The following LIPA variants were observed in gnomAD, a reference collection of about 807,000 sequenced individuals.
LIPA encodes the protein lysosomal acid lipase/cholesteryl ester hydrolase.
Under a neutral mutation model 40.6 loss-of-function variants are expected in LIPA, and 26 were observed. That is an observed-to-expected ratio of 0.64 (90% CI 0.47 to 0.89). The LOEUF is 0.89. Ranked by LOEUF, LIPA falls within the 40% of genes least tolerant of loss-of-function variation. The pLI is 0.00. For synonymous variants in LIPA, 188 were observed against 168.4 expected, an observed-to-expected ratio of 1.12 and a Z score of -0.90; for missense variants, 455 against 479.6, an observed-to-expected ratio of 0.95 and a Z score of 0.48.
chr10:89,239,479 A>G (rs1842941544), intron 3 of LIPA, among the ~76,000 whole-genome samples: 1 of 152,240 alleles, frequency 6.6e-6, no homozygotes. Context: ...GGATGCATTC[A>G]GGAGTCATGT....
chr10:89,247,515 G>C (rs776850979), intron 2 of LIPA, 23 bp downstream of exon 2: 36 of 1,417,644 alleles, frequency 2.5e-5, no homozygotes, highest in Non-Finnish European at 3.6e-5. Flanking sequence ...CATTTTAAAA[G>C]TACATAACTT....
intron 2 of LIPA, chr10:89,403,751 T>C (rs757055837): frequency 1.8e-6 from 2 of 1,108,720 alleles, no homozygotes; most frequent in Non-Finnish European, 2.6e-6. Context: ...TCATTTCATT[T>C]TATGCTAACA....
chr10:89,288,249 G>A (rs985211035), intron 1 of LIPA, among the ~76,000 whole-genome samples: 6 of 152,078 alleles, frequency 3.9e-5, no homozygotes, highest in Non-Finnish European at 8.8e-5. Flanking sequence ...CCTAGGCATG[G>A]TTAGGTATTT....
rs981552701 is a variant in LIPA, at chr10:89,274,780, G to A, written c.-1-27131C>T. 3.9e-5 allele frequency among the ~76,000 whole-genome samples: 6 copies of A among 152,132 alleles called. No homozygotes were observed. In the South Asian group the frequency reaches 1.0e-3, roughly 26 times the overall value. Reference sequence around the variant, plus strand: ...AATTTCCGTGTCTGATGGGTGGGAGGTGACCTCTGTTGAGACAGACTTTAT... The same window carrying A: ...AATTTCCGTGTCTGATGGGTGGGAGATGACCTCTGTTGAGACAGACTTTAT... On this transcript the variant is annotated intron_variant, in intron 1 of 5. Transcript: ENST00000282673.
chr10:89,352,788 TAAA>T (rs34514402), intron 2 of LIPA, among the ~76,000 whole-genome samples: 1,996 of 113,132 alleles, frequency 0.018, 30 homozygotes, highest in African/African-American at 0.052. Flanking sequence ...ACTACAAAGA[TAAA>T]AAAAAAAAAA....
At chr10:89,271,833 C>T (rs934679212) in intron 1 of LIPA, among the ~76,000 whole-genome samples, 39 of 151,932 alleles carry the variant, frequency 2.6e-4, no homozygotes, top group Admixed American at 5.9e-4. Flanking sequence ...AGGCCAAAGC[C>T]GGCAGATCAT....
chr10:89,214,826 T>C lies in LIPA; in HGVS notation c.*2A>G. ...TGGTGGTACACAGCTCAAGTCCAGCTTTCACTGATATTTCCTCATTAGATT... is the reference window on the plus strand; with the variant it reads ...TGGTGGTACACAGCTCAAGTCCAGCCTTCACTGATATTTCCTCATTAGATT... On this transcript the variant is annotated 3_prime_UTR_variant, in exon 10 of 10. Transcript: ENST00000336233. 1 of 1,544,096 alleles carries C rather than the reference T, an allele frequency of 6.5e-7. No individual in the cohort carries two copies. Among genetic ancestry groups the C allele is most frequent in the Non-Finnish European group, 9.0e-7 (1 of 1,116,452 alleles).
intron 1 of LIPA, among the ~76,000 whole-genome samples, chr10:89,311,633 A>G (rs777947466): frequency 6.6e-6 from 1 of 152,088 alleles, no homozygotes; most frequent in Non-Finnish European, 1.5e-5. Context: ...ACTTTGTAAT[A>G]TATCTTCTAA....
At chr10:89,252,807 CAA>C (rs34928929), upstream of LIPA, among the ~76,000 whole-genome samples, 1 of 132,268 alleles carries the variant, frequency 7.6e-6, no homozygotes, top group Non-Finnish European at 1.6e-5. Flanking sequence ...CTCCATCCCC[CAA>C]AAAAAAAAAA....
chr10:89,375,670 T>C (rs1282544344), intron 2 of LIPA, among the ~76,000 whole-genome samples: 3 of 152,192 alleles, frequency 2.0e-5, no homozygotes, highest in African/African-American at 7.2e-5. Flanking sequence ...AACTTGGTCT[T>C]CCACAGCAGG....
chr10:89,342,850 G>C (rs1416865914), upstream of LIPA: 2 of 152,276 alleles, frequency 1.3e-5, no homozygotes, highest in Non-Finnish European at 2.9e-5. Flanking sequence ...TCTGCCACTG[G>C]ATGCTGCTTT....
At chr10:89,252,818 A>AAG (rs1843149107), upstream of LIPA, among the ~76,000 whole-genome samples, 1 of 151,938 alleles carries the variant, frequency 6.6e-6, no homozygotes, top group African/African-American at 2.4e-5. Flanking sequence ...AAAAAAAAAA[A>AAG]AAAACAGGGA....
chr10:89,252,807 C>CAAAAA (rs34928929), upstream of LIPA, among the ~76,000 whole-genome samples: 34 of 132,254 alleles, frequency 2.6e-4, 3 homozygotes, highest in South Asian at 4.7e-4. Context: ...CTCCATCCCC[C>CAAAAA]AAAAAAAAAA....
intron 1 of LIPA, among the ~76,000 whole-genome samples, chr10:89,269,489 C>T (rs1212486891): frequency 1.3e-5 from 2 of 151,274 alleles, no homozygotes; most frequent in African/African-American, 2.4e-5. Flanking sequence ...ATATTTTATT[C>T]TTCTCTTCAA....
At chr10:89,392,973 G>A (rs2133612630) in intron 2 of LIPA, 2 of 676,678 alleles carry the variant, frequency 3.0e-6, no homozygotes, top group Admixed American at 3.1e-5. Flanking sequence ...GAAGGGGAGG[G>A]AAATGGGAAA....
At chr10:89,297,230 C>A (rs565719908) in intron 1 of LIPA, among the ~76,000 whole-genome samples, 5 of 152,302 alleles carry the variant, frequency 3.3e-5, no homozygotes, top group African/African-American at 1.2e-4. Flanking sequence ...CTCCTGCAAA[C>A]TGCTGCAATC....
At chr10:89,225,297 C>CCGTCACT in intron 5 of LIPA, 69 bp from the exon 6 acceptor site, 1 of 1,596,116 alleles carries the variant, frequency 6.3e-7, no homozygotes, top group Non-Finnish European at 8.6e-7. Flanking sequence ...AACACAAAGG[C>CCGTCACT]CGTCACTCGC....
intron 2 of LIPA, among the ~76,000 whole-genome samples, chr10:89,360,451 C>T (rs976239673): frequency 7.9e-5 from 12 of 152,162 alleles, no homozygotes; most frequent in African/African-American, 2.9e-4. Flanking sequence ...AGATAAGTGT[C>T]CTGGCAAGGG....
Position 89,223,832 on chromosome 10 carries a change from T to A in LIPA, c.676-2A>T, listed in dbSNP as rs747508159. On this transcript the variant is annotated splice_acceptor_variant, in intron 6 of 9. Transcript: ENST00000336233. LOFTEE classifies it high-confidence loss of function. ...AAATTCTTTGTCTCCAAATAAGTCC[T>A]ACAAAATAAAAAGAAACCCAAGAAC... is the stretch of plus-strand genomic sequence containing the variant. The A allele has an allele frequency of 6.2e-7, 1 of 1,613,996 alleles. No individual in the cohort carries two copies. The highest frequency in any genetic ancestry group is 1.1e-5 in the South Asian group (1 of 91,082).
Sources: gnomAD v4.1 joint callset for allele counts (sites outside exome capture counted in the v4.1 genomes callset) on GRCh38, gnomAD v4.1.1 for gene constraint, MANE v1.5 for transcripts, NCBI Gene and HGNC (gene_info 2026-07-23, HGNC 2026-07-21) for gene names.